The following SDCCAG8 variants were observed in gnomAD, a reference collection of about 807,000 sequenced individuals.
The protein encoded by SDCCAG8 is serologically defined colon cancer antigen 8.
SDCCAG8 carries 74 observed loss-of-function variants against 101.8 expected under a neutral mutation model. That is an observed-to-expected ratio of 0.73 (90% confidence interval 0.60 to 0.88). The LOEUF (loss-of-function observed/expected upper bound fraction) is 0.88. SDCCAG8 is among the 40% of genes least tolerant of loss of function. SDCCAG8 has a pLI of 0.00. For missense variants in SDCCAG8, 787 were observed against 822.6 expected, an observed-to-expected ratio of 0.96 and a Z score of 0.53; for synonymous variants, 281 against 292.9, an observed-to-expected ratio of 0.96 and a Z score of 0.41.
chr1:243,271,917 G>C (rs1031294666), intron 3 of SDCCAG8, among the ~76,000 whole-genome samples: 4 of 152,168 alleles, frequency 2.6e-5, no homozygotes, highest in Non-Finnish European at 4.4e-5. Flanking sequence ...TGATATATAA[G>C]AAGTGGTGCT....
intron 16 of SDCCAG8, among the ~76,000 whole-genome samples, chr1:243,431,604 G>C (rs145109498): frequency 2.8e-4 from 43 of 152,302 alleles, no homozygotes; most frequent in African/African-American, 9.1e-4. Context: ...GGAACCCCTG[G>C]TGTCCACAAA....
At chr1:243,397,909 C>A (rs1018964225) in intron 13 of SDCCAG8, among the ~76,000 whole-genome samples, 3 of 152,196 alleles carry the variant, frequency 2.0e-5, no homozygotes, top group Non-Finnish European at 4.4e-5. Context: ...CCAGAGATAG[C>A]CCTGCTAATA....
At chr1:243,383,923 T>C (rs1266516870) in intron 13 of SDCCAG8, among the ~76,000 whole-genome samples, 3 of 152,174 alleles carry the variant, frequency 2.0e-5, no homozygotes, top group Non-Finnish European at 4.4e-5. Flanking sequence ...AATACCCCTC[T>C]GACCTTCTCT....
At chr1:243,362,863 T>C (rs2076797395) in intron 12 of SDCCAG8, among the ~76,000 whole-genome samples, 1 of 152,250 alleles carries the variant, frequency 6.6e-6, no homozygotes, top group African/African-American at 2.4e-5. Context: ...TAAATTCTTA[T>C]TGAGCTTAAA....
intron 6 of SDCCAG8, among the ~76,000 whole-genome samples, chr1:243,294,432 C>G (rs547545314): frequency 2.5e-4 from 38 of 150,412 alleles, no homozygotes; most frequent in African/African-American, 8.8e-4. Context: ...TCCTTGAATT[C>G]CAGGAGCTGA....
At chr1:243,360,948 C>T (rs1006306552) in intron 12 of SDCCAG8, among the ~76,000 whole-genome samples, 4 of 152,188 alleles carry the variant, frequency 2.6e-5, no homozygotes, top group African/African-American at 4.8e-5. Flanking sequence ...ACAGTGACCC[C>T]CTCATGGCAC....
chr1:243,311,629 A>G (rs2072733571), intron 8 of SDCCAG8, among the ~76,000 whole-genome samples: 1 of 152,128 alleles, frequency 6.6e-6, no homozygotes, highest in South Asian at 2.1e-4. Flanking sequence ...TAGCAAAACT[A>G]ATAAGCCAGG....
At position 243,474,634 on chromosome 1, in the gene SDCCAG8, T is replaced by C. The variant is rs540226035; in HGVS notation, c.1986-14380T>C. Among the ~76,000 whole-genome samples, 1 of 152,292 alleles carries C rather than the reference T, an allele frequency of 6.6e-6. No homozygotes were observed. Among genetic ancestry groups the C allele is most frequent in the East Asian group, 1.9e-4 (1 of 5,164 alleles). On this transcript the variant is annotated intron_variant, in intron 16 of 17. Coordinates refer to ENST00000366541, the MANE Select transcript of SDCCAG8 (RefSeq NM_006642.5). This position sits in a 1 kb window ranked among gnomAD's most constrained non-coding sequence, Gnocchi z 4.7. ...TCCGCGGTGGCCCGAGAGCAGGTGC[T>C]GGCGTGCGGGAGGCGCACGTGGAGC... is the stretch of plus-strand genomic sequence containing the variant.
intron 14 of SDCCAG8, among the ~76,000 whole-genome samples, chr1:243,417,306 A>G (rs771960626): frequency 6.6e-6 from 1 of 152,228 alleles, no homozygotes; most frequent in Admixed American, 6.5e-5. Context: ...CTAGATTAGA[A>G]TGTATTTAAC....
chr1:243,258,561 T>A (rs1009410435), intron 1 of SDCCAG8, among the ~76,000 whole-genome samples: 1 of 152,102 alleles, frequency 6.6e-6, no homozygotes, highest in African/African-American at 2.4e-5. Flanking sequence ...CGCGCCACCA[T>A]GCCCGGCTAA....
At position 243,419,138 on chromosome 1, in the gene SDCCAG8, G is replaced by A. The variant is rs114381742; in HGVS notation, c.1853+1062G>A. Among the ~76,000 whole-genome samples, 906 of 152,056 alleles carry A rather than the reference G, an allele frequency of 6.0e-3. 14 individuals are homozygous for A. Among genetic ancestry groups the A allele is most frequent in the African/African-American group, 0.02 (820 of 41,472 alleles). On this transcript the variant is annotated intron_variant, in intron 15 of 17. Coordinates refer to ENST00000366541, the MANE Select transcript of SDCCAG8 (RefSeq NM_006642.5). Reference sequence around the variant, plus strand: ...AATCTTTTGGGGAATCAGAGGGCTCGTGCATCCAACTCTCCCTGCTCACCA... The same window carrying A: ...AATCTTTTGGGGAATCAGAGGGCTCATGCATCCAACTCTCCCTGCTCACCA...
chr1:243,305,837 C>T (rs1005627708), intron 7 of SDCCAG8: 1 of 152,018 alleles, frequency 6.6e-6, no homozygotes, highest in African/African-American at 2.4e-5. Flanking sequence ...GCATGTAATC[C>T]CAACACTTTG....
intron 12 of SDCCAG8, among the ~76,000 whole-genome samples, chr1:243,357,069 A>T (rs1038270315): frequency 4.5e-4 from 68 of 152,196 alleles, no homozygotes; most frequent in African/African-American, 1.5e-3. Context: ...TTACCCACAT[A>T]GCAATGGAAT....
At chr1:243,393,772 A>G (rs1254019879) in intron 13 of SDCCAG8, among the ~76,000 whole-genome samples, 3 of 152,204 alleles carry the variant, frequency 2.0e-5, no homozygotes, top group Non-Finnish European at 4.4e-5. Context: ...GATTTTTTTT[A>G]TATGCTTTCT....
chr1:243,443,694 C>T (rs1402162436), intron 16 of SDCCAG8, among the ~76,000 whole-genome samples: 1 of 152,072 alleles, frequency 6.6e-6, no homozygotes, highest in Non-Finnish European at 1.5e-5. Context: ...AGATCGAAAA[C>T]AAATCCTGTC....
chr1:243,473,715 G>C (rs1361371680), intron 16 of SDCCAG8, among the ~76,000 whole-genome samples: 1 of 152,124 alleles, frequency 6.6e-6, no homozygotes, highest in Non-Finnish European at 1.5e-5. Context: ...GCGGGAGAGT[G>C]AGCAGAGACA....
chr1:243,464,529 CAAATT>C (rs1659748815), intron 16 of SDCCAG8, among the ~76,000 whole-genome samples: 1 of 152,168 alleles, frequency 6.6e-6, no homozygotes, highest in African/African-American at 2.4e-5. Flanking sequence ...TAAAAAAAAT[CAAATT>C]AATACACATT....
At chr1:243,408,446 T>C (rs1218590510) in intron 13 of SDCCAG8, among the ~76,000 whole-genome samples, 2 of 152,168 alleles carry the variant, frequency 1.3e-5, no homozygotes, top group African/African-American at 2.4e-5. Flanking sequence ...TAATTGATGG[T>C]GTCATTGTAG....
At chr1:243,497,929 G>A (rs998656326) in intron 17 of SDCCAG8, among the ~76,000 whole-genome samples, 1 of 152,112 alleles carries the variant, frequency 6.6e-6, no homozygotes, top group Non-Finnish European at 1.5e-5. Flanking sequence ...CGATCCTATT[G>A]CCCCAGCCTC....
Sources: allele counts gnomAD v4.1 joint callset (sites outside exome capture counted in the v4.1 genomes callset), GRCh38; gene constraint gnomAD v4.1.1; non-coding constraint Gnocchi (gnomAD v3.1); transcripts MANE v1.5; gene names NCBI Gene and HGNC (gene_info 2026-07-23, HGNC 2026-07-21).